Variants in ABCC1 observed in about 807,000 individuals in gnomAD.
The protein encoded by ABCC1 is ATP binding cassette subfamily C member 1 (ABCC1 blood group).
In ABCC1, 83 loss-of-function variants were observed where a neutral mutation model predicts 172.9. The observed-to-expected ratio is 0.48, with a 90% CI of 0.40 to 0.58. The LOEUF is 0.58. Ranked by LOEUF, ABCC1 falls within the 20% of genes least tolerant of loss-of-function variation. The pLI is 0.00. For synonymous variants in ABCC1, 937 were observed against 825.2 expected (o/e 1.14, Z -2.32); for missense variants, 1,817 against 2,002.7 (o/e 0.91, Z 1.77).
Position 16,114,986 on chromosome 16 carries a change from C to T in ABCC1, c.3300C>T (p.Asn1100=), listed in dbSNP as rs371481467. The T allele has an allele frequency of 6.8e-5, 109 of 1,614,098 alleles. No individual in the cohort carries two copies. The highest frequency in any genetic ancestry group is 2.1e-4 in the African/African-American group (16 of 74,940). ...AGATGTTCATGGGCTCCCTGTTCAA[C>T]GTCATTGGTGCCTGCATCGTTATCC... ...VIKMFMGSLF[N]VIGACIVILL... The change falls in exon 23 of 31, where the codon AAC becomes AAT. Residue 1100 remains asparagine, a synonymous_variant. Coordinates refer to ENST00000399410, the MANE Select transcript of ABCC1 (RefSeq NM_004996.4).
At chr16:16,090,375 C>G (rs2074087) in intron 18 of ABCC1, 30 bp from the exon 19 acceptor site, 1,293,580 of 1,551,904 alleles carry the variant, frequency 0.83, 540,725 homozygotes, top group Non-Finnish European at 0.85. Flanking sequence ...CATGTGCACT[C>G]ACGTGGCCGG....
chr16:16,114,079 C>T (rs1257721419), intron 22 of ABCC1, among the ~76,000 whole-genome samples: 1 of 152,132 alleles, frequency 6.6e-6, no homozygotes. Context: ...GTTGGGGACC[C>T]CTGGTCTAGA....
chr16:16,008,587 G>A (rs1057056918), intron 2 of ABCC1, among the ~76,000 whole-genome samples: 1 of 151,418 alleles, frequency 6.6e-6, no homozygotes, highest in Non-Finnish European at 1.5e-5. Context: ...AGGCGTGGTG[G>A]CTCACGCCTG....
At chr16:15,955,544 T>C (rs1000501852) in intron 1 of ABCC1, among the ~76,000 whole-genome samples, 2 of 152,148 alleles carry the variant, frequency 1.3e-5, no homozygotes, top group African/African-American at 4.8e-5. Context: ...CCCTGACCTC[T>C]TCTCTGGCTG....
rs1391292372 is a variant in ABCC1, at chr16:16,086,837, C to T, written c.2306C>T (p.Ser769Phe). Residue 769 changes from serine to phenylalanine, a missense_variant, in exon 18 of 31, where the codon TCT becomes TTT. Physicochemically the swap from Ser to Phe is radical, Grantham distance 155. Transcript: ENST00000399410. ...TEIGEKGVNL[S>F]GGQKQRVSLA... ...GTCTCTCCCCAGGGCGTGAACCTGT[C>T]TGGGGGCCAGAAGCAGCGCGTGAGC... is the stretch of plus-strand genomic sequence containing the variant. 1.2e-6 allele frequency: 2 copies of T among 1,613,812 alleles called. No homozygotes were observed. The highest frequency in any genetic ancestry group is 1.7e-6 in the Non-Finnish European group (2 of 1,180,032).
At chr16:16,117,181 A>G (rs952821033) in intron 23 of ABCC1, among the ~76,000 whole-genome samples, 36 of 152,202 alleles carry the variant, frequency 2.4e-4, no homozygotes, top group African/African-American at 8.7e-4. Flanking sequence ...TATTAAGGAA[A>G]GAGGTTTAAT....
chr16:15,975,322 C>G (rs2046460551), intron 1 of ABCC1, among the ~76,000 whole-genome samples: 2 of 152,100 alleles, frequency 1.3e-5, no homozygotes, highest in Admixed American at 1.3e-4. Flanking sequence ...TTGCTTGGCT[C>G]TTAGGTGCTT....
intron 1 of ABCC1, among the ~76,000 whole-genome samples, chr16:15,998,737 G>A (rs2047143699): frequency 6.6e-6 from 1 of 152,168 alleles, no homozygotes. Flanking sequence ...CTTCCCTGGA[G>A]TTCCGGTGTC....
intron 6 of ABCC1, among the ~76,000 whole-genome samples, chr16:16,035,217 C>T (rs1452728960): frequency 1.3e-5 from 2 of 152,052 alleles, no homozygotes; most frequent in Non-Finnish European, 2.9e-5. Flanking sequence ...GCCTGGCCTA[C>T]ATGGTGAAAC....
At chr16:15,954,217 C>T (rs1243718772) in intron 1 of ABCC1, among the ~76,000 whole-genome samples, 3 of 151,994 alleles carry the variant, frequency 2.0e-5, no homozygotes, top group Non-Finnish European at 2.9e-5. Flanking sequence ...CCCATAGAGA[C>T]GGGGTTTCAT....
Position 16,111,335 on chromosome 16 carries a change from C to T in ABCC1, c.2872-40C>T, listed in dbSNP as rs767843518. On this transcript the variant is annotated intron_variant, in intron 21 of 30. Coordinates refer to ENST00000399410, the MANE Select transcript of ABCC1 (RefSeq NM_004996.4). The stretch of plus-strand genomic sequence containing the variant: ...GTGGGGCTGGGGCTGGGGCTGGGTG[C>T]GTGCATGTGCTAAGCTGCCTTATCT... The T allele has an allele frequency of 1.4e-5, 18 of 1,242,094 alleles. 1 individual carries two copies. In the Middle Eastern group the frequency reaches 9.9e-4, roughly 69 times the overall value. 76.9% of individuals were successfully genotyped at this position (1,242,094 alleles called of 1,614,324 possible).
At chr16:16,098,956 G>A (rs963306334) in intron 19 of ABCC1, 11 of 1,329,308 alleles carry the variant, frequency 8.3e-6, no homozygotes, top group East Asian at 4.6e-5. Context: ...GGCCAGAGAC[G>A]GGCCGAGACT....
rs568995773 is a variant in ABCC1, at chr16:16,137,933, C to T, written c.4293-431C>T. Among the ~76,000 whole-genome samples the T allele has an allele frequency of 4.6e-5, 7 of 151,626 alleles. No homozygotes were observed. The South Asian group carries it at 6.3e-4, about 14-fold the overall frequency. On this transcript the variant is annotated intron_variant, in intron 29 of 30. Transcript: ENST00000399410. ...AGGCTGGAGTACAGTGGATTGATCTCGGACTCTAACTCCTGGACTCAAGCA... is the reference window on the plus strand; with the variant it reads ...AGGCTGGAGTACAGTGGATTGATCTTGGACTCTAACTCCTGGACTCAAGCA...
In ABCC1 at chr16:16,134,621, C is replaced by T. The variant is rs1025138946; in HGVS notation, c.4125+113C>T. 1.9e-4 allele frequency: 92 copies of T among 495,046 alleles called. 3 individuals are homozygous for T. Among genetic ancestry groups the T allele is most frequent in the Middle Eastern group, 1.5e-3 (3 of 1,966 alleles). 30.7% of individuals were successfully genotyped at this position (495,046 alleles called of 1,614,324 possible). A position where few individuals can be genotyped will look rare whatever the true frequency, so the allele number is the denominator to read the frequency against. ...AAACATACATTTGGCCCTACTTCATCGTTCTTTTTTTTTTTTTTTTTTTTT... is the reference window on the plus strand; with the variant it reads ...AAACATACATTTGGCCCTACTTCATTGTTCTTTTTTTTTTTTTTTTTTTTT... On this transcript the variant is annotated intron_variant, in intron 28 of 30. Transcript: ENST00000399410.
At chr16:16,061,777 T>C (rs529689287) in intron 12 of ABCC1, among the ~76,000 whole-genome samples, 26 of 143,708 alleles carry the variant, frequency 1.8e-4, no homozygotes, top group East Asian at 9.1e-4. Context: ...TTTTTCTTTT[T>C]TTTTTTTTTT....
chr16:15,990,856 G>A (rs2046847237), intron 1 of ABCC1, among the ~76,000 whole-genome samples: 1 of 148,440 alleles, frequency 6.7e-6, no homozygotes, highest in Non-Finnish European at 1.5e-5. Flanking sequence ...GTAGAGATGG[G>A]GTTTCACCGT....
intron 1 of ABCC1, among the ~76,000 whole-genome samples, chr16:16,003,966 T>G (rs2047421691): frequency 6.9e-6 from 1 of 144,340 alleles, no homozygotes; most frequent in African/African-American, 2.6e-5. Flanking sequence ...ATGGATGAAT[T>G]GGTGAGTGGG....
Position 16,044,561 on chromosome 16 carries a change from G to A in ABCC1, c.921G>A (p.Lys307=), listed in dbSNP as rs2049121548. The A allele has an allele frequency of 1.2e-6, 2 of 1,614,176 alleles. No homozygotes were observed. Among genetic ancestry groups the A allele is most frequent in the African/African-American group, 1.3e-5 (1 of 75,060 alleles). Residue 307 remains lysine, a synonymous_variant, in exon 8 of 31, where the codon AAG becomes AAA. Transcript: ENST00000399410. ...VEALIVKSPQ[K]EWNPSLFKVL... is the part of the protein sequence containing the mutation. ...CTTTGATCGTCAAGTCCCCACAGAA[G>A]GAGTGGAACCCCTCTCTGTTTAAGG...
intron 21 of ABCC1, among the ~76,000 whole-genome samples, chr16:16,108,450 C>T (rs576821577): frequency 4.6e-4 from 69 of 150,652 alleles, no homozygotes; most frequent in Admixed American, 2.1e-3. Flanking sequence ...TTTGTATTTT[C>T]GGTAGAGATG....
Sources: gnomAD v4.1 joint callset for allele counts (sites outside exome capture counted in the v4.1 genomes callset) on GRCh38, gnomAD v4.1.1 for gene constraint, MANE v1.5 for transcripts, NCBI Gene and HGNC (gene_info 2026-07-23, HGNC 2026-07-21) for gene names.